Variants in CENPP observed in about 807,000 individuals in gnomAD.
CENPP encodes centromere protein P.
In CENPP, 24 loss-of-function variants were observed where a neutral mutation model predicts 35.6. That is an observed-to-expected ratio of 0.67 (90% confidence interval 0.49 to 0.95). The LOEUF (loss-of-function observed/expected upper bound fraction) is 0.95, where lower values mean the gene tolerates loss of function less well. Among genes scored for constraint, CENPP ranks in the 40% least tolerant of loss-of-function variants. The pLI is 0.00. For missense variants in CENPP, 332 were observed against 345.3 expected, an observed-to-expected ratio of 0.96 and a Z score of 0.31; for synonymous variants, 120 against 125.5, an observed-to-expected ratio of 0.96 and a Z score of 0.29.
chr9:92,559,613 T>C (rs1258762100), intron 5 of CENPP, among the ~76,000 whole-genome samples: 2 of 152,178 alleles, frequency 1.3e-5, no homozygotes, highest in African/African-American at 4.8e-5. Context: ...TCTGGAGCTA[T>C]AATCTAGTCC....
intron 5 of CENPP, among the ~76,000 whole-genome samples, chr9:92,546,319 C>A (rs771134071): frequency 5.9e-5 from 9 of 152,206 alleles, no homozygotes; most frequent in African/African-American, 2.2e-4. Flanking sequence ...CTAGCCCTGA[C>A]AACCCACCAG....
intron 4 of CENPP, among the ~76,000 whole-genome samples, chr9:92,368,902 C>A (rs1406162303): frequency 6.6e-6 from 1 of 151,952 alleles, no homozygotes; most frequent in African/African-American, 2.4e-5. Context: ...AAACATTTTC[C>A]AGGTCTGCCT....
chr9:92,429,224 G>A (rs2130984199), intron 5 of CENPP, among the ~76,000 whole-genome samples: 1 of 152,246 alleles, frequency 6.6e-6, no homozygotes, highest in Non-Finnish European at 1.5e-5. Context: ...GACTGTTGGA[G>A]GAAAGATGCC....
At chr9:92,600,453 G>A (rs1850881684) in intron 5 of CENPP, 2 of 1,612,746 alleles carry the variant, frequency 1.2e-6, no homozygotes, top group Non-Finnish European at 1.7e-6. Context: ...GAAAAGTTGG[G>A]TCAAGGGAGG....
intron 5 of CENPP, chr9:92,415,298 G>C: frequency 6.2e-7 from 1 of 1,613,646 alleles, no homozygotes; most frequent in Non-Finnish European, 8.5e-7. Context: ...GTCTTTAGTT[G>C]TATTGTTTGA....
intron 5 of CENPP, among the ~76,000 whole-genome samples, chr9:92,440,677 C>T (rs573996170): frequency 1.1e-4 from 17 of 152,002 alleles, no homozygotes; most frequent in Non-Finnish European, 1.9e-4. Context: ...CCTCAAACTG[C>T]GAAAGTTATG....
chr9:92,600,217 C>T (rs1850876015), intron 5 of CENPP: 1 of 1,232,372 alleles, frequency 8.1e-7, no homozygotes, highest in Admixed American at 3.0e-5. Context: ...AGGTTCCATA[C>T]AAGAACAGAA....
At chr9:92,508,020 C>T (rs1380414114) in intron 5 of CENPP, among the ~76,000 whole-genome samples, 6 of 152,176 alleles carry the variant, frequency 3.9e-5, no homozygotes, top group Non-Finnish European at 8.8e-5. Context: ...GCCCTCCTTC[C>T]CCCTCTCTGG....
intron 5 of CENPP, among the ~76,000 whole-genome samples, chr9:92,510,644 C>T (rs906466885): frequency 2.0e-5 from 3 of 152,196 alleles, no homozygotes; most frequent in African/African-American, 7.2e-5. Flanking sequence ...TAGCCTGTAC[C>T]CCCACAAGTG....
chr9:92,602,823 A>G (rs1442636320), intron 5 of CENPP, among the ~76,000 whole-genome samples: 1 of 139,140 alleles, frequency 7.2e-6, no homozygotes, highest in East Asian at 2.1e-4. Context: ...TCAAAATTAC[A>G]TTCAAATTAA....
chr9:92,408,587 C>T (rs913488348), intron 5 of CENPP, among the ~76,000 whole-genome samples: 6 of 152,114 alleles, frequency 3.9e-5, no homozygotes, highest in African/African-American at 1.2e-4. Flanking sequence ...TCGATTGAAT[C>T]GGGTTACTAC....
In CENPP at chr9:92,616,012, G is replaced by A. The variant is rs368557850; in HGVS notation, c.*2863G>A. The A allele has an allele frequency of 3.7e-6, 6 of 1,614,034 alleles. No individual in the cohort carries two copies. The highest frequency in any genetic ancestry group is 4.2e-6 in the Non-Finnish European group (5 of 1,180,040). The stretch of plus-strand genomic sequence containing the variant: ...CAAGGTCCAGCACAGACACGGAAAA[G>A]GCAAACCTGGACCTCGATGAAGGGA... On this transcript the variant is annotated 3_prime_UTR_variant, in exon 8 of 8. Coordinates refer to ENST00000375587, the MANE Select transcript of CENPP (RefSeq NM_001012267.3).
At chr9:92,509,869 G>T in intron 5 of CENPP, 2 of 1,585,388 alleles carry the variant, frequency 1.3e-6, no homozygotes, top group Non-Finnish European at 1.7e-6. Flanking sequence ...TTATAAGGAA[G>T]CATATCATTG....
At chr9:92,595,403 AG>A (rs1459304830) in intron 5 of CENPP, among the ~76,000 whole-genome samples, 2 of 151,334 alleles carry the variant, frequency 1.3e-5, no homozygotes, top group African/African-American at 4.9e-5. Context: ...CACCACACGC[AG>A]CTAATTTTTT....
Position 92,345,807 on chromosome 9 carries a change from T to A in CENPP, c.467+20T>A. On this transcript the variant is annotated intron_variant, in intron 4 of 7. Coordinates refer to ENST00000375587, the MANE Select transcript of CENPP (RefSeq NM_001012267.3). ...GTCTAGGTAAGCTATTTTACAAACT[T>A]ACTTTTTTAGAGAAAAAAAGTAAAT... The A allele has an allele frequency of 2.7e-6, 4 of 1,474,840 alleles. No individual in the cohort carries two copies. The highest frequency in any genetic ancestry group is 3.8e-6 in the Non-Finnish European group (4 of 1,065,428). 91.4% of individuals were successfully genotyped at this position (1,474,840 alleles called of 1,614,324 possible). A position where few individuals can be genotyped will look rare whatever the true frequency, so the allele number is the denominator to read the frequency against.
At chr9:92,376,255 A>G (rs1196550230) in intron 4 of CENPP, among the ~76,000 whole-genome samples, 2 of 152,176 alleles carry the variant, frequency 1.3e-5, no homozygotes, top group Admixed American at 6.5e-5. Flanking sequence ...CTTGGCTTTC[A>G]GCATATCTGT....
intron 5 of CENPP, among the ~76,000 whole-genome samples, chr9:92,518,899 TAAAC>T: frequency 6.6e-6 from 1 of 152,144 alleles, no homozygotes. Context: ...AATAAATAAA[TAAAC>T]AAATAAAGTT....
chr9:92,517,994 G>A (rs1847830938), intron 5 of CENPP: 1 of 1,169,890 alleles, frequency 8.5e-7, no homozygotes, highest in East Asian at 2.5e-5. Flanking sequence ...AATTCTATGT[G>A]CATTCATGTA....
intron 5 of CENPP, among the ~76,000 whole-genome samples, chr9:92,516,007 A>T (rs1306850520): frequency 6.6e-6 from 1 of 151,926 alleles, no homozygotes; most frequent in Non-Finnish European, 1.5e-5. Context: ...CAAAGACTAG[A>T]TTCAAATTCA....
Sources: gnomAD v4.1 joint callset for allele counts (sites outside exome capture counted in the v4.1 genomes callset) on GRCh38, gnomAD v4.1.1 for gene constraint, MANE v1.5 for transcripts, NCBI Gene and HGNC (gene_info 2026-07-23, HGNC 2026-07-21) for gene names.